The following EIF4E1B variants were observed in gnomAD, a reference collection of about 807,000 sequenced individuals.
EIF4E1B encodes eukaryotic translation initiation factor 4E type 1B.
Under a neutral mutation model 31.3 loss-of-function variants are expected in EIF4E1B, and 22 were observed. That is an observed-to-expected ratio of 0.70 (90% CI 0.50 to 1.00). The LOEUF (loss-of-function observed/expected upper bound fraction) is 1.00. EIF4E1B is among the 50% of genes least tolerant of loss of function. EIF4E1B has a pLI of 0.00. For missense variants in EIF4E1B, 290 were observed against 311.6 expected, an observed-to-expected ratio of 0.93 and a Z score of 0.52; for synonymous variants, 126 against 120.2, an observed-to-expected ratio of 1.05 and a Z score of -0.31.
rs1353665250 is a variant in EIF4E1B, at chr5:176,645,494, C to G, written c.592C>G (p.Gln198Glu). 4 of 1,517,484 alleles carry G rather than the reference C, an allele frequency of 2.6e-6. No individual in the cohort carries two copies. The highest frequency in any genetic ancestry group is 4.6e-5 in the East Asian group (2 of 43,388). The allele number at this position is 1,517,484 out of a possible 1,614,324, so 94.0% of individuals were successfully genotyped here. The change falls in exon 8 of 9, where the codon CAG (glutamine) becomes GAG (glutamate). Residue 198 changes from glutamine to glutamate, a missense_variant. Transcript: ENST00000318682. This position sits in a 1 kb window ranked among gnomAD's most constrained non-coding sequence, Gnocchi z 5.4. ...IAVWTREAEN[Q>E]AGVLHVGRVY... ...TGTGTGGACGAGGGAGGCGGAAAAC[C>G]AGGCGGGCGTGCTGCACGTTGGGTG...
intron 5 of EIF4E1B, chr5:176,644,134 G>T: frequency 1.7e-6 from 1 of 577,328 alleles, no homozygotes; most frequent in Non-Finnish European, 3.1e-6. Flanking sequence ...AGCTGGAGGG[G>T]GGAGCACCAG....
At position 176,644,629 on chromosome 5, in the gene EIF4E1B, C is replaced by T. The variant is rs117533177; in HGVS notation, c.360+190C>T. 4,421 of 591,632 alleles carry T rather than the reference C, an allele frequency of 7.5e-3. 57 individuals are homozygous for T. Among genetic ancestry groups the T allele is most frequent in the East Asian group, 0.024 (783 of 32,690 alleles). 36.6% of individuals were successfully genotyped at this position (591,632 alleles called of 1,614,324 possible). ...CAGAGTAGGTCAGGCCCAAGCCGCA[C>T]CTTGGAGGACCTTAAGAGGCGGGAA... On this transcript the variant is annotated intron_variant, in intron 6 of 8. Transcript: ENST00000318682.
intron 3 of EIF4E1B, 26 bp downstream of exon 3, chr5:176,642,828 C>A (rs759943190): frequency 7.1e-6 from 11 of 1,541,230 alleles, no homozygotes; most frequent in Middle Eastern, 1.8e-4. Context: ...TCTCTACCCC[C>A]AGTGCACCAT....
chr5:176,646,152 T>G lies in EIF4E1B; in HGVS notation c.*172T>G. ...TGGGGCCTGAGCCTTAGGGGCTAGA[T>G]GGGGGTAGTGGTGGCAGTCTGAGGA... On this transcript the variant is annotated 3_prime_UTR_variant, in exon 9 of 9. Coordinates refer to ENST00000318682, the MANE Select transcript of EIF4E1B (RefSeq NM_001099408.2). 1 of 584,784 alleles carries G rather than the reference T, an allele frequency of 1.7e-6. No individual in the cohort carries two copies. Among genetic ancestry groups the G allele is most frequent in the Non-Finnish European group, 3.1e-6 (1 of 327,574 alleles). 36.2% of individuals were successfully genotyped at this position (584,784 alleles called of 1,614,324 possible).
At chr5:176,639,532 T>C (rs965175270) in intron 1 of EIF4E1B, among the ~76,000 whole-genome samples, 1 of 151,824 alleles carries the variant, frequency 6.6e-6, no homozygotes, top group Admixed American at 6.6e-5. Context: ...GCTGGGAGGG[T>C]CCTTCCGAGC....
chr5:176,632,377 T>C (rs1020511670), intron 1 of EIF4E1B, among the ~76,000 whole-genome samples: 1 of 152,232 alleles, frequency 6.6e-6, no homozygotes, highest in Admixed American at 6.5e-5. Flanking sequence ...TGCCTCAGCC[T>C]CCCAAGTAGC....
Position 176,644,383 on chromosome 5 carries a change from A to C in EIF4E1B, c.304A>C (p.Ser102Arg). The C allele has an allele frequency of 6.3e-7, 1 of 1,590,456 alleles. No individual in the cohort carries two copies. Among genetic ancestry groups the C allele is most frequent in the Non-Finnish European group, 8.6e-7 (1 of 1,168,282 alleles). ...GTCGGGGGCTCTGTCCAGGCTATAC[A>C]GTCACATCCAGCTGGCCAGCAAGCT... ...DTVEDFWALY[S>R]HIQLASKLSS... Residue 102 changes from serine (S) to arginine (R), a missense_variant, in exon 6 of 9, where the codon AGT becomes CGT. By Grantham distance (110) the Ser-to-Arg change is moderately radical (BLOSUM62 -1). Coordinates refer to ENST00000318682, the MANE Select transcript of EIF4E1B (RefSeq NM_001099408.2).
intron 1 of EIF4E1B, among the ~76,000 whole-genome samples, chr5:176,632,159 T>A (rs1476317851): frequency 2.0e-5 from 3 of 152,252 alleles, no homozygotes; most frequent in Non-Finnish European, 4.4e-5. Flanking sequence ...ATATATTATA[T>A]ACTAACATAT....
At chr5:176,641,072 C>A (rs1760567530) in intron 1 of EIF4E1B, among the ~76,000 whole-genome samples, 1 of 152,176 alleles carries the variant, frequency 6.6e-6, no homozygotes, top group Non-Finnish European at 1.5e-5. Context: ...GTAATCCCAG[C>A]ACTTGGGAGG....
At chr5:176,633,503 T>C (rs1054162538) in intron 1 of EIF4E1B, among the ~76,000 whole-genome samples, 1 of 152,098 alleles carries the variant, frequency 6.6e-6, no homozygotes, top group African/African-American at 2.4e-5. Flanking sequence ...TGAGACAGGG[T>C]CTCACTAGGT....
intron 1 of EIF4E1B, among the ~76,000 whole-genome samples, chr5:176,641,473 C>T (rs1416135842): frequency 2.0e-5 from 3 of 152,218 alleles, no homozygotes; most frequent in Admixed American, 1.3e-4. Flanking sequence ...TAAGAACTGC[C>T]GCTCTGAAGC....
intron 1 of EIF4E1B, among the ~76,000 whole-genome samples, chr5:176,634,321 G>C (rs1760458462): frequency 6.6e-6 from 1 of 152,084 alleles, no homozygotes; most frequent in African/African-American, 2.4e-5. Context: ...TGGCACAAAT[G>C]GCTCTCCAAG....
chr5:176,632,207 A>T (rs753742308), intron 1 of EIF4E1B, among the ~76,000 whole-genome samples: 1 of 152,196 alleles, frequency 6.6e-6, no homozygotes, highest in Non-Finnish European at 1.5e-5. Context: ...ATACACAGAC[A>T]CCTTATATAC....
rs773730956 is a variant in EIF4E1B at position 176,645,392 on chromosome 5, G to A, written c.490G>A (p.Gly164Arg). The A allele has an allele frequency of 4.6e-6, 7 of 1,529,622 alleles. No individual in the cohort carries two copies. Among genetic ancestry groups the A allele is most frequent in the South Asian group, 2.6e-5 (2 of 77,828 alleles). 94.8% of individuals were successfully genotyped at this position (1,529,622 alleles called of 1,614,324 possible). ...LWLETLLCLI[G>R]ESFEEHSREV... ...TCGGGTCCAGCTGCTGTGTCTGATC[G>A]GGGAGAGCTTTGAGGAACACAGCAG... Residue 164 changes from glycine (G) to arginine (R), a missense_variant, in exon 8 of 9, where the codon GGG (glycine) becomes AGG (arginine). Physicochemically the swap from Gly to Arg is moderately radical, Grantham distance 125 (BLOSUM62 -2). Transcript: ENST00000318682. This position sits in a 1 kb window ranked among gnomAD's most constrained non-coding sequence, Gnocchi z 5.4.
Position 176,643,224 on chromosome 5 carries a change from G to A in EIF4E1B, c.158G>A (p.Gly53Asp), listed in dbSNP as rs780180060. The A allele has an allele frequency of 1.4e-5, 23 of 1,612,830 alleles. No individual in the cohort carries two copies. Among genetic ancestry groups the A allele is most frequent in the Middle Eastern group, 1.9e-4 (1 of 5,394 alleles). Reference sequence around the variant, plus strand: ...CTGAGAGGGAAGGCCCGGACGGGGGGCCCCATGGAAGTCAAGCTGGAGCTG... The same window carrying A: ...CTGAGAGGGAAGGCCCGGACGGGGGACCCCATGGAAGTCAAGCTGGAGCTG... ...LSLRGKARTGGPMEVKLELHP... is the reference protein window; with the variant it reads ...LSLRGKARTGDPMEVKLELHP... Residue 53 changes from glycine to aspartate, a missense_variant, in exon 4 of 9, where the codon GGC becomes GAC. Coordinates refer to ENST00000318682, the MANE Select transcript of EIF4E1B (RefSeq NM_001099408.2).
intron 4 of EIF4E1B, 108 bp from the exon 5 acceptor site, chr5:176,643,531 T>C (rs1760635049): frequency 9.3e-7 from 1 of 1,074,146 alleles, no homozygotes; most frequent in Non-Finnish European, 1.4e-6. Context: ...CCAAATCTCA[T>C]CTCCCAGTTC....
intron 1 of EIF4E1B, among the ~76,000 whole-genome samples, chr5:176,632,736 T>C (rs1433530136): frequency 6.6e-6 from 1 of 152,236 alleles, no homozygotes; most frequent in East Asian, 1.9e-4. Flanking sequence ...GGAGGGTACC[T>C]GCAGTTATTT....
Position 176,646,152 on chromosome 5 carries a change from T to TGG in EIF4E1B, c.*176_*177dup. The TGG allele has an allele frequency of 1.7e-6, 1 of 584,806 alleles. No homozygotes were observed. Among genetic ancestry groups the TGG allele is most frequent in the Admixed American group, 3.0e-5 (1 of 33,102 alleles). The allele number at this position is 584,806 out of a possible 1,614,324, so 36.2% of individuals were successfully genotyped here. ...TGGGGCCTGAGCCTTAGGGGCTAGA[T>TGG]GGGGGTAGTGGTGGCAGTCTGAGGA... On this transcript the variant is annotated 3_prime_UTR_variant, in exon 9 of 9. Transcript: ENST00000318682.
rs201009455 is a variant in EIF4E1B, at chr5:176,645,336, G to A, written c.475-41G>A. On this transcript the variant is annotated intron_variant, in intron 7 of 8. Transcript: ENST00000318682. This position sits in a 1 kb window ranked among gnomAD's most constrained non-coding sequence, Gnocchi z 5.4. ...TCAAGGATGGCAGGCCAGTCCCTATGTCCCAGCCGGTGATCTCACAACCCC... is the reference window on the plus strand; with the variant it reads ...TCAAGGATGGCAGGCCAGTCCCTATATCCCAGCCGGTGATCTCACAACCCC... 9.8e-5 allele frequency: 152 copies of A among 1,548,134 alleles called. 1 individual carries two copies. In the African/African-American group the frequency reaches 1.4e-3, roughly 15 times the overall value.
Sources: gnomAD v4.1 joint callset for allele counts (sites outside exome capture counted in the v4.1 genomes callset) on GRCh38, gnomAD v4.1.1 for gene constraint, Gnocchi (gnomAD v3.1) non-coding constraint, MANE v1.5 for transcripts, NCBI Gene and HGNC (gene_info 2026-07-23, HGNC 2026-07-21) for gene names.